Variants in USP37 observed in about 807,000 individuals in gnomAD.
USP37 encodes the protein ubiquitin specific peptidase 37, also known as ubiquitin carboxyl-terminal hydrolase 37.
A neutral mutation model predicts 124.0 loss-of-function variants in USP37; 27 were observed. That is an observed-to-expected ratio of 0.22 (90% confidence interval 0.16 to 0.30). USP37 has a LOEUF of 0.30. USP37 is among the 10% of genes least tolerant of loss of function. The pLI, the probability that USP37 is intolerant of heterozygous loss-of-function variation, is 1.00. For missense variants in USP37, 889 were observed against 1,140.4 expected (o/e 0.78, Z 3.17); for synonymous variants, 365 against 388.0 (o/e 0.94, Z 0.70).
At chr2:218,518,106 C>T (rs1690398169) in intron 10 of USP37, among the ~76,000 whole-genome samples, 1 of 152,092 alleles carries the variant, frequency 6.6e-6, no homozygotes, top group Non-Finnish European at 1.5e-5. Flanking sequence ...AAAGTGCATG[C>T]CATCATGCTT....
At position 218,484,647 on chromosome 2, in the gene USP37, C is replaced by A. The variant is rs2674932; in HGVS notation, c.1670+1017G>T. Among the ~76,000 whole-genome samples, 65 of 18,534 alleles carry A rather than the reference C, an allele frequency of 3.5e-3. No homozygotes were observed. The East Asian group carries it at 0.035, about 10-fold the overall frequency. 12.2% of individuals were successfully genotyped at this position (18,534 alleles called of 152,430 possible). ...AAAACAACAACAACAACAACAACAA[C>A]AAACAACCAAAAAAAAAAACCAACT... On this transcript the variant is annotated intron_variant, in intron 16 of 25. Coordinates refer to ENST00000258399, the MANE Select transcript of USP37 (RefSeq NM_020935.3).
At chr2:218,536,817 G>C (rs1186304500) in intron 8 of USP37, among the ~76,000 whole-genome samples, 1 of 152,146 alleles carries the variant, frequency 6.6e-6, no homozygotes, top group African/African-American at 2.4e-5. Context: ...TCTGGAATTG[G>C]ACCCTTGTTT....
chr2:218,488,097 A>T (rs1691677255), intron 15 of USP37, among the ~76,000 whole-genome samples: 1 of 149,214 alleles, frequency 6.7e-6, no homozygotes, highest in Non-Finnish European at 1.5e-5. Flanking sequence ...GGACCGCTTG[A>T]AACTGGGGGC....
At chr2:218,484,647 C>G (rs2674932) in intron 16 of USP37, among the ~76,000 whole-genome samples, 1 of 18,564 alleles carries the variant, frequency 5.4e-5, no homozygotes, top group Non-Finnish European at 9.6e-5. Context: ...ACAACAACAA[C>G]AAACAACCAA....
intron 20 of USP37, among the ~76,000 whole-genome samples, chr2:218,472,533 G>A (rs1287122622): frequency 6.6e-6 from 1 of 150,992 alleles, no homozygotes; most frequent in African/African-American, 2.4e-5. Flanking sequence ...GTGCAATATC[G>A]GCTCACTGCA....
chr2:218,495,888 A>G lies in USP37; in HGVS notation c.1344T>C (p.Asn448=). Residue 448 remains asparagine (N), a synonymous_variant, in exon 14 of 26, where the codon AAT becomes AAC. Transcript: ENST00000258399. ...DQLKEDMEKL[N]KTWKTEPVSG... is the part of the protein sequence containing the mutation. ...AAACAGGTTCAGTCTTCCAAGTTTT[A>G]TTTAATTTTTCCATATCTTCTTTCA... is the stretch of plus-strand genomic sequence containing the variant. 1 of 1,613,750 alleles carries G rather than the reference A, an allele frequency of 6.2e-7. No homozygotes were observed. The highest frequency in any genetic ancestry group is 1.1e-5 in the South Asian group (1 of 91,030).
chr2:218,470,625 C>T (rs1690630130), intron 20 of USP37, among the ~76,000 whole-genome samples: 1 of 152,230 alleles, frequency 6.6e-6, no homozygotes, highest in Non-Finnish European at 1.5e-5. Context: ...TGCATTTCCC[C>T]TTCAACAATA....
chr2:218,506,939 G>A (rs796657264), intron 11 of USP37, among the ~76,000 whole-genome samples: 1 of 151,790 alleles, frequency 6.6e-6, no homozygotes, highest in South Asian at 2.1e-4. Context: ...TGGGATTACA[G>A]GCACCCGCCA....
intron 4 of USP37, among the ~76,000 whole-genome samples, chr2:218,554,086 G>C (rs1692810271): frequency 6.6e-6 from 1 of 152,134 alleles, no homozygotes; most frequent in Non-Finnish European, 1.5e-5. Flanking sequence ...TAAGAATATT[G>C]TGTCAAATGG....
At chr2:218,510,166 A>C (rs2106002933) in intron 10 of USP37, 26 bp from the exon 11 acceptor site, 1 of 1,588,802 alleles carries the variant, frequency 6.3e-7, no homozygotes. Context: ...AATAATGAAG[A>C]AGCAAAATAA....
At chr2:218,514,701 C>G (rs890051036) in intron 10 of USP37, among the ~76,000 whole-genome samples, 2 of 152,140 alleles carry the variant, frequency 1.3e-5, no homozygotes, top group Admixed American at 6.6e-5. Flanking sequence ...TCTCATCAAA[C>G]TTTTGTCCAC....
chr2:218,482,321 G>T, intron 16 of USP37, 87 bp from the exon 17 acceptor site: 1 of 1,366,042 alleles, frequency 7.3e-7, no homozygotes, highest in Non-Finnish European at 9.7e-7. Flanking sequence ...TATGTTAGAC[G>T]ACTTTTGATT....
At chr2:218,486,563 C>CA (rs1385044561) in intron 15 of USP37, among the ~76,000 whole-genome samples, 1 of 152,128 alleles carries the variant, frequency 6.6e-6, no homozygotes, top group Non-Finnish European at 1.5e-5. Context: ...GCTGGGACTA[C>CA]AGGCATGTGC....
intron 23 of USP37, 143 bp downstream of exon 23, chr2:218,459,647 C>A: frequency 1.7e-6 from 1 of 572,834 alleles, no homozygotes. Context: ...CAGCAAATGA[C>A]AAGAGAAAAT....
intron 10 of USP37, among the ~76,000 whole-genome samples, chr2:218,512,136 C>T (rs1204430425): frequency 2.6e-5 from 4 of 152,114 alleles, no homozygotes; most frequent in East Asian, 1.9e-4. Flanking sequence ...GTAACCCCAA[C>T]GCTCTGGGAA....
At chr2:218,535,922 C>T (rs1452145413) in intron 8 of USP37, among the ~76,000 whole-genome samples, 1 of 138,370 alleles carries the variant, frequency 7.2e-6, no homozygotes, top group East Asian at 2.3e-4. Context: ...GAGGCTGAGG[C>T]AGAAGTATTG....
intron 2 of USP37, 64 bp from the exon 3 acceptor site, chr2:218,560,947 T>C (rs186646125): frequency 3.9e-5 from 6 of 152,342 alleles, no homozygotes; most frequent in Admixed American, 1.3e-4. Context: ...GTATCATAAG[T>C]ACTCTATTAT....
chr2:218,547,283 TG>T (rs1692387974), intron 6 of USP37, among the ~76,000 whole-genome samples, 192 bp from the exon 7 acceptor site: 1 of 152,118 alleles, frequency 6.6e-6, no homozygotes, highest in Non-Finnish European at 1.5e-5. Context: ...GAGCTACAAC[TG>T]TACCACTGCA....
chr2:218,549,979 A>G (rs1692575684), intron 5 of USP37, 70 bp from the exon 6 acceptor site: 2 of 1,164,298 alleles, frequency 1.7e-6, no homozygotes, highest in South Asian at 3.5e-5. Flanking sequence ...ATTTATCATT[A>G]TTATTTTTAT....
Sources: allele counts gnomAD v4.1 joint callset (sites outside exome capture counted in the v4.1 genomes callset), GRCh38; gene constraint gnomAD v4.1.1; transcripts MANE v1.5; gene names NCBI Gene and HGNC (gene_info 2026-07-23, HGNC 2026-07-21).